Variants in ITPRID2 observed in about 807,000 individuals in gnomAD.
ITPRID2 encodes the protein ITPR interacting domain containing 2.
ITPRID2 carries 60 observed loss-of-function variants against 124.3 expected under a neutral mutation model. The observed-to-expected ratio is 0.48, with a 90% CI of 0.39 to 0.60. The LOEUF is 0.60. Among genes scored for constraint, ITPRID2 ranks in the 20% least tolerant of loss-of-function variants. ITPRID2 has a pLI of 0.00. For missense variants in ITPRID2, 1,553 were observed against 1,512.2 expected (o/e 1.03, Z -0.45); for synonymous variants, 521 against 542.9 (o/e 0.96, Z 0.56).
chr2:181,907,732 C>T lies in ITPRID2; in HGVS notation c.1414-2167C>T, dbSNP rs1293618740. 1.3e-5 allele frequency among the ~76,000 whole-genome samples: 2 copies of T among 152,078 alleles called. No homozygotes were observed. The highest frequency in any genetic ancestry group is 1.9e-4 in the East Asian group (1 of 5,162). ...TGTACCCCATCTCAAATTTGACTGC[C>T]GCCTTTTGCACAATTGTGACCAATA... On this transcript the variant is annotated intron_variant, in intron 8 of 17. Coordinates refer to ENST00000431877, the MANE Select transcript of ITPRID2 (RefSeq NM_001130445.3). The surrounding 1 kb of genome is among the most constrained non-coding windows in gnomAD (Gnocchi z 5.1).
At chr2:181,920,266 A>G (rs1296215188) in intron 14 of ITPRID2, among the ~76,000 whole-genome samples, 1 of 152,208 alleles carries the variant, frequency 6.6e-6, no homozygotes, top group Non-Finnish European at 1.5e-5. Flanking sequence ...TATAGCATAG[A>G]CTAAGGATGT....
In ITPRID2 at chr2:181,915,691, C is replaced by T. The variant is rs746178789; in HGVS notation, c.2051C>T (p.Pro684Leu). Residue 684 changes from proline to leucine, a missense_variant, in exon 11 of 18, where the codon CCT (proline) becomes CTT (leucine). Coordinates refer to ENST00000431877, the MANE Select transcript of ITPRID2 (RefSeq NM_001130445.3). ...SDMSSENTTGPPSSMDRVNTA... is the reference protein window; with the variant it reads ...SDMSSENTTGLPSSMDRVNTA... ...ATGAGCTCTGAAAATACAACTGGGC[C>T]TCCCTCTTCCATGGACAGAGTTAAT... The T allele has an allele frequency of 1.9e-6, 3 of 1,614,162 alleles. No homozygotes were observed. Among genetic ancestry groups the T allele is most frequent in the Non-Finnish European group, 2.5e-6 (3 of 1,180,032 alleles).
At chr2:181,912,017 A>G (rs1255713190) in intron 9 of ITPRID2, among the ~76,000 whole-genome samples, 1 of 152,206 alleles carries the variant, frequency 6.6e-6, no homozygotes, top group African/African-American at 2.4e-5. Context: ...TCTCTTGCAG[A>G]TAAAACATAC....
chr2:181,892,183 G>A lies in ITPRID2; in HGVS notation c.117G>A (p.Thr39=). 3 of 1,553,588 alleles carry A rather than the reference G, an allele frequency of 1.9e-6. No individual in the cohort carries two copies. The highest frequency in any genetic ancestry group is 2.0e-5 in the Admixed American group (1 of 51,234). ...KCRSSWQASE[T]EDLSTEATTQ... Reference sequence around the variant, plus strand: ...GCAGCTCCTGGCAAGCGTCGGAGACGGAGGATCTGTCCACAGAAGCGACGA... The same window carrying A: ...GCAGCTCCTGGCAAGCGTCGGAGACAGAGGATCTGTCCACAGAAGCGACGA... Residue 39 remains threonine, a synonymous_variant, in exon 1 of 18, where the codon ACG becomes ACA. Transcript: ENST00000431877. This position sits in a 1 kb window ranked among gnomAD's most constrained non-coding sequence, Gnocchi z 5.2.
At position 181,905,132 on chromosome 2, in the gene ITPRID2, G is replaced by A. The variant is rs571905489; in HGVS notation, c.1413+2666G>A. 5.3e-5 allele frequency among the ~76,000 whole-genome samples: 8 copies of A among 149,702 alleles called. No homozygotes were observed. Among genetic ancestry groups the A allele is most frequent in the South Asian group, 2.1e-4 (1 of 4,746 alleles). ...TGGTGCAATCTTGGCTAACTGCAACGTCTGCCTCCTGGGTTCATGTAATTC... is the reference window on the plus strand; with the variant it reads ...TGGTGCAATCTTGGCTAACTGCAACATCTGCCTCCTGGGTTCATGTAATTC... On this transcript the variant is annotated intron_variant, in intron 8 of 17. Coordinates refer to ENST00000431877, the MANE Select transcript of ITPRID2 (RefSeq NM_001130445.3). The surrounding 1 kb of genome is among the most constrained non-coding windows in gnomAD (Gnocchi z 4.1).
At position 181,896,722 on chromosome 2, in the gene ITPRID2, C is replaced by T. The variant is rs1254420907; in HGVS notation, c.308-186C>T. On this transcript the variant is annotated intron_variant, in intron 3 of 17. Coordinates refer to ENST00000431877, the MANE Select transcript of ITPRID2 (RefSeq NM_001130445.3). The surrounding 1 kb of genome is among the most constrained non-coding windows in gnomAD (Gnocchi z 4.3). Reference sequence around the variant, plus strand: ...TGTTGCTGGAAAAGTGGTTTCTTTACGTTAAAGTAAAAGCTTATACCTGCT... The same window carrying T: ...TGTTGCTGGAAAAGTGGTTTCTTTATGTTAAAGTAAAAGCTTATACCTGCT... 3.9e-5 allele frequency among the ~76,000 whole-genome samples: 6 copies of T among 151,906 alleles called. No individual in the cohort carries two copies. Among genetic ancestry groups the T allele is most frequent in the South Asian group, 2.1e-4 (1 of 4,826 alleles).
Position 181,902,489 on chromosome 2 carries a change from T to G in ITPRID2, c.1413+23T>G, listed in dbSNP as rs1002735258. ...GAGGTAGGTAAAAAATTACTGAGAC[T>G]GGTTTCAAGTTGCAGACTAGGAAAA... On this transcript the variant is annotated intron_variant, in intron 8 of 17. Coordinates refer to ENST00000431877, the MANE Select transcript of ITPRID2 (RefSeq NM_001130445.3). This position sits in a 1 kb window ranked among gnomAD's most constrained non-coding sequence, Gnocchi z 4.4. 3 of 1,474,742 alleles carry G rather than the reference T, an allele frequency of 2.0e-6. No individual in the cohort carries two copies. The African/African-American group carries it at 4.3e-5, about 21-fold the overall frequency. The allele number at this position is 1,474,742 out of a possible 1,614,324, so 91.4% of individuals were successfully genotyped here.
In ITPRID2 at chr2:181,902,554, AG is replaced by A. The variant is rs1692762641; in HGVS notation, c.1413+89del. The A allele has an allele frequency of 2.1e-6, 2 of 943,320 alleles. No individual in the cohort carries two copies. Among genetic ancestry groups the A allele is most frequent in the East Asian group, 5.4e-5 (2 of 37,238 alleles). The allele number at this position is 943,320 out of a possible 1,614,324, so 58.4% of individuals were successfully genotyped here. A position where few individuals can be genotyped will look rare whatever the true frequency, so the allele number is the denominator to read the frequency against. ...GCTTATAAAATGAGAGGTAGCTAAT[AG>A]ATTTATACTAGAAAAATTTATTCTA... On this transcript the variant is annotated intron_variant, in intron 8 of 17. Transcript: ENST00000431877. The surrounding 1 kb of genome is among the most constrained non-coding windows in gnomAD (Gnocchi z 4.4).
At chr2:181,916,951 A>G in intron 11 of ITPRID2, 2 of 988,112 alleles carry the variant, frequency 2.0e-6, no homozygotes, top group Non-Finnish European at 2.4e-6. Context: ...GAGTTAGTCT[A>G]CTTCCACTGG....
chr2:181,928,362 G>T, intron 17 of ITPRID2, 84 bp downstream of exon 17: 1 of 801,290 alleles, frequency 1.2e-6, no homozygotes, highest in Non-Finnish European at 1.9e-6. Flanking sequence ...ATACAGGTTT[G>T]GTTCTCTAGT....
At chr2:181,917,595 C>T (rs577138733) in intron 11 of ITPRID2, 1 of 152,370 alleles carries the variant, frequency 6.6e-6, no homozygotes, top group Admixed American at 6.5e-5. Flanking sequence ...CCTGGATATC[C>T]CAGCAATAAC....
In ITPRID2 at chr2:181,892,253, C is replaced by T; in HGVS notation, c.187C>T (p.Gln63Ter). 1 of 1,548,512 alleles carries T rather than the reference C, an allele frequency of 6.5e-7. No homozygotes were observed. The highest frequency in any genetic ancestry group is 8.7e-7 in the Non-Finnish European group (1 of 1,146,042). Residue 63 changes from glutamine (Q) to a stop codon, truncating the protein, a stop_gained, in exon 1 of 18, where the codon CAG becomes TAG. Transcript: ENST00000431877. LOFTEE classifies it high-confidence loss of function. The surrounding 1 kb of genome is among the most constrained non-coding windows in gnomAD (Gnocchi z 5.2). ...CGAGGAGGAGGACCTCCCCGGCGCG[C>T]AGCTGCCGGCAGCGGGGGGAAGAGG... ...EDEEEDLPGAQLPAAGGRGNV... is the reference protein window; with the variant it reads ...EDEEEDLPGA
In ITPRID2 at chr2:181,915,342, G is replaced by C; in HGVS notation, c.1702G>C (p.Glu568Gln). The change falls in exon 11 of 18, where the codon GAG becomes CAG. Residue 568 changes from glutamate (E) to glutamine (Q), a missense_variant. Glu to Gln is a conservative substitution (Grantham distance 29). Transcript: ENST00000431877. ...AQDQPYFNES[E>Q]EESLVPLQKG... ...AGACCAGCCTTATTTTAATGAATCA[G>C]AGGAGGAGTCTCTTGTCCCTCTTCA... The C allele has an allele frequency of 6.2e-7, 1 of 1,613,618 alleles. No homozygotes were observed. Among genetic ancestry groups the C allele is most frequent in the Non-Finnish European group, 8.5e-7 (1 of 1,179,512 alleles).
Position 181,916,375 on chromosome 2 carries a change from A to C in ITPRID2, c.2735A>C (p.Gln912Pro), listed in dbSNP as rs189226493. 2 of 1,614,222 alleles carry C rather than the reference A, an allele frequency of 1.2e-6. No homozygotes were observed. The highest frequency in any genetic ancestry group is 4.5e-5 in the East Asian group (2 of 44,882). ...AATCCTCCTTCAGCCATAGAAATGC[A>C]GTTGCGAAGAGTATTACATGATATT... ...SVNPPSAIEM[Q>P]LRRVLHDIRN... The change falls in exon 11 of 18, where the codon CAG becomes CCG. Residue 912 changes from glutamine (Q) to proline (P), a missense_variant. Gln to Pro is a moderately conservative substitution (Grantham distance 76). Transcript: ENST00000431877.
rs909141020 is a variant in ITPRID2 at position 181,905,731 on chromosome 2, C to A, written c.1413+3265C>A. Among the ~76,000 whole-genome samples the A allele has an allele frequency of 1.3e-5, 2 of 152,162 alleles. No homozygotes were observed. The highest frequency in any genetic ancestry group is 2.9e-5 in the Non-Finnish European group (2 of 68,026). On this transcript the variant is annotated intron_variant, in intron 8 of 17. Transcript: ENST00000431877. This position sits in a 1 kb window ranked among gnomAD's most constrained non-coding sequence, Gnocchi z 4.1. ...AACTGTTTCTAATCCTGTCTTCATACTAATTATTGATTTAACTAATGTACT... is the reference window on the plus strand; with the variant it reads ...AACTGTTTCTAATCCTGTCTTCATAATAATTATTGATTTAACTAATGTACT...
In ITPRID2 at chr2:181,919,418, C is replaced by CT; in HGVS notation, c.3118dup (p.Ser1040PhefsTer15). ...GAGCAGCTTCGTGCTGTGCGCATGC[C>CT]TTCACCCTTCCGCTCCTCCGCACTC... is the stretch of plus-strand genomic sequence containing the variant. On this transcript the variant is annotated frameshift_variant, in exon 14 of 18. Coordinates refer to ENST00000431877, the MANE Select transcript of ITPRID2 (RefSeq NM_001130445.3). LOFTEE classifies it high-confidence loss of function. The surrounding 1 kb of genome is among the most constrained non-coding windows in gnomAD (Gnocchi z 4.2). 6.2e-7 allele frequency: 1 copy of CT among 1,608,526 alleles called. No individual in the cohort carries two copies.
chr2:181,900,012 A>G (rs1347282411), intron 6 of ITPRID2, among the ~76,000 whole-genome samples: 1 of 152,188 alleles, frequency 6.6e-6, no homozygotes, highest in African/African-American at 2.4e-5. Context: ...TTCCATCTCT[A>G]ACTTTCCTGT....
chr2:181,910,671 C>T lies in ITPRID2; in HGVS notation c.1486+700C>T, dbSNP rs908621854. The T allele has an allele frequency of 2.3e-5, 15 of 650,986 alleles. No homozygotes were observed. Among genetic ancestry groups the T allele is most frequent in the Non-Finnish European group, 3.6e-5 (13 of 359,006 alleles). 40.3% of individuals were successfully genotyped at this position (650,986 alleles called of 1,614,324 possible). On this transcript the variant is annotated intron_variant, in intron 9 of 17. Transcript: ENST00000431877. The surrounding 1 kb of genome is among the most constrained non-coding windows in gnomAD (Gnocchi z 4.1). ...TTGAAACTTTACACATGCTGAACCA[C>T]CCTGTTTTTTTTTTAAACAAAGATT...
intron 7 of ITPRID2, among the ~76,000 whole-genome samples, chr2:181,901,486 A>G (rs541807824): frequency 6.6e-6 from 1 of 152,324 alleles, no homozygotes; most frequent in Non-Finnish European, 1.5e-5. Context: ...TGTAGATTCA[A>G]TAGCTAGTTC....
Sources: allele counts gnomAD v4.1 joint callset (sites outside exome capture counted in the v4.1 genomes callset), GRCh38; gene constraint gnomAD v4.1.1; non-coding constraint Gnocchi (gnomAD v3.1); transcripts MANE v1.5; gene names NCBI Gene and HGNC (gene_info 2026-07-23, HGNC 2026-07-21).